CNTN4: variants seen among roughly 807,000 people sequenced by gnomAD.
CNTN4 encodes contactin 4.
Under a neutral mutation model 122.5 loss-of-function variants are expected in CNTN4, and 77 were observed. The ratio of observed to expected loss-of-function variants is 0.63; its 90% confidence interval spans 0.52 to 0.76. CNTN4 has a LOEUF of 0.76. Among genes scored for constraint, CNTN4 ranks in the 30% least tolerant of loss-of-function variants. The pLI, the probability that CNTN4 is intolerant of heterozygous loss-of-function variation, is 0.00. For synonymous variants in CNTN4, 512 were observed against 447.0 expected (o/e 1.15, Z -1.83); for missense variants, 1,256 against 1,259.1 (o/e 1.00, Z 0.04).
intron 3 of CNTN4, among the ~76,000 whole-genome samples, chr3:2,484,964 G>A (rs1363803615): frequency 6.6e-6 from 1 of 152,186 alleles, no homozygotes; most frequent in Non-Finnish European, 1.5e-5. Context: ...GCCAGCGCGA[G>A]TTCCAGGTGG....
chr3:2,486,160 G>A (rs140893034), intron 3 of CNTN4, among the ~76,000 whole-genome samples: 2 of 152,188 alleles, frequency 1.3e-5, no homozygotes, highest in East Asian at 3.9e-4. Flanking sequence ...AACACTCACT[G>A]CGAAGGTCTG....
intron 3 of CNTN4, among the ~76,000 whole-genome samples, chr3:2,375,171 G>A (rs2045771149): frequency 6.6e-6 from 1 of 152,132 alleles, no homozygotes; most frequent in Non-Finnish European, 1.5e-5. Flanking sequence ...TAAATATATG[G>A]CATGTCTTTG....
chr3:2,104,483 ATTCAGGGAATCAGGTTCC>A (rs1213943063), intron 2 of CNTN4, among the ~76,000 whole-genome samples: 2 of 152,212 alleles, frequency 1.3e-5, no homozygotes, highest in Non-Finnish European at 2.9e-5. Flanking sequence ...CCATGGGGTC[ATTCAGGGAATCAGGTTCC>A]TTAGAGTTTT....
intron 2 of CNTN4, among the ~76,000 whole-genome samples, chr3:2,297,952 G>C (rs114333116): frequency 0.022 from 3,389 of 152,154 alleles, 124 homozygotes; most frequent in African/African-American, 0.078. Context: ...GGCTAGTGTC[G>C]AACTCCTGAG....
At chr3:2,351,908 C>G (rs1223511107) in intron 3 of CNTN4, among the ~76,000 whole-genome samples, 1 of 152,020 alleles carries the variant, frequency 6.6e-6, no homozygotes, top group Non-Finnish European at 1.5e-5. Context: ...TACTGCATAG[C>G]AAGGTGACTA....
At chr3:2,274,211 T>C (rs1442302239) in intron 2 of CNTN4, among the ~76,000 whole-genome samples, 2 of 152,022 alleles carry the variant, frequency 1.3e-5, no homozygotes, top group Non-Finnish European at 2.9e-5. Flanking sequence ...GGTGAAAACC[T>C]GTCTCTACTA....
At chr3:2,120,998 T>C (rs186140889) in intron 2 of CNTN4, among the ~76,000 whole-genome samples, 4 of 152,258 alleles carry the variant, frequency 2.6e-5, no homozygotes, top group Non-Finnish European at 5.9e-5. Flanking sequence ...CTCCTCACAC[T>C]TTGGGAGGCT....
chr3:2,733,824 G>A (rs1049195580), intron 4 of CNTN4, among the ~76,000 whole-genome samples: 3 of 151,786 alleles, frequency 2.0e-5, no homozygotes, highest in South Asian at 2.1e-4. Flanking sequence ...GTGAGCCACC[G>A]CGCCTGGCCA....
At chr3:2,682,438 CA>C (rs1323638543) in intron 4 of CNTN4, among the ~76,000 whole-genome samples, 1 of 152,094 alleles carries the variant, frequency 6.6e-6, no homozygotes, top group African/African-American at 2.4e-5. Context: ...TTCTTACCTG[CA>C]AAATTTACAA....
chr3:2,478,655 C>G (rs2075899818), intron 3 of CNTN4, among the ~76,000 whole-genome samples: 1 of 152,142 alleles, frequency 6.6e-6, no homozygotes. Context: ...CATCATTTAG[C>G]TCCCACTTAT....
At chr3:2,750,944 A>G (rs898200226) in intron 6 of CNTN4, among the ~76,000 whole-genome samples, 6 of 152,112 alleles carry the variant, frequency 3.9e-5, no homozygotes, top group African/African-American at 1.2e-4. Context: ...GATACAGAAG[A>G]CAGTTGACAT....
At chr3:2,805,884 C>A (rs1178427487) in intron 6 of CNTN4, among the ~76,000 whole-genome samples, 8 of 152,038 alleles carry the variant, frequency 5.3e-5, no homozygotes, top group Non-Finnish European at 1.0e-4. Flanking sequence ...TCTCATAACA[C>A]TTTTTGTTTT....
intron 2 of CNTN4, among the ~76,000 whole-genome samples, chr3:2,221,658 T>C (rs1271804416): frequency 1.3e-5 from 2 of 152,102 alleles, no homozygotes; most frequent in East Asian, 3.9e-4. Flanking sequence ...GATATGGGAC[T>C]TATAACTAGA....
intron 4 of CNTN4, among the ~76,000 whole-genome samples, chr3:2,659,651 C>G (rs2083779886): frequency 6.6e-6 from 1 of 151,952 alleles, no homozygotes; most frequent in African/African-American, 2.4e-5. Context: ...TATTATTTCC[C>G]TTTTCACTTA....
At position 2,385,643 on chromosome 3, in the gene CNTN4, G is replaced by C. The variant is rs954407342; in HGVS notation, c.-89+46410G>C. Among the ~76,000 whole-genome samples, 2 of 152,020 alleles carry C rather than the reference G, an allele frequency of 1.3e-5. No individual in the cohort carries two copies. Among genetic ancestry groups the C allele is most frequent in the Non-Finnish European group, 2.9e-5 (2 of 68,024 alleles). ...TAGCCCCAGTTGTTCTGCAGCTTGT[G>C]GGAGCATAACTCCAAGCTCATCTCT... On this transcript the variant is annotated intron_variant, in intron 3 of 24. Coordinates refer to ENST00000418658, the MANE Select transcript of CNTN4 (RefSeq NM_175607.3). The surrounding 1 kb of genome is among the most constrained non-coding windows in gnomAD (Gnocchi z 4.0).
At chr3:2,593,174 A>G (rs1028977942) in intron 4 of CNTN4, among the ~76,000 whole-genome samples, 2 of 152,322 alleles carry the variant, frequency 1.3e-5, no homozygotes, top group Admixed American at 6.5e-5. Flanking sequence ...GGAAACATCT[A>G]TTTATGTAAC....
In CNTN4 at chr3:2,804,091, A is replaced by ACACT. The variant is rs1553643776; in HGVS notation, c.359-15392_359-15391insTCAC. 7.4e-3 allele frequency among the ~76,000 whole-genome samples: 1,065 copies of ACACT among 144,226 alleles called. 4 individuals are homozygous for ACACT. The highest frequency in any genetic ancestry group is 0.012 in the Non-Finnish European group (751 of 64,722). The allele number at this position is 144,226 out of a possible 152,430, so 94.6% of individuals were successfully genotyped here. On this transcript the variant is annotated intron_variant, in intron 6 of 24. Coordinates refer to ENST00000418658, the MANE Select transcript of CNTN4 (RefSeq NM_175607.3). ...CACACACACACACACACACACACAC[A>ACACT]CACACACGTATGATAAAAACCATAA...
rs17011680 is a variant in CNTN4 at position 2,278,496 on chromosome 3, C to G, written c.-144-60682C>G. Reference sequence around the variant, plus strand: ...CTCTTGTGTTACAACAGAGAAACGACTAATCTCAGAATGTAACATGTTTTA... The same window carrying G: ...CTCTTGTGTTACAACAGAGAAACGAGTAATCTCAGAATGTAACATGTTTTA... On this transcript the variant is annotated intron_variant, in intron 2 of 24. Transcript: ENST00000418658. Among the ~76,000 whole-genome samples, 1,235 of 152,262 alleles carry G rather than the reference C, an allele frequency of 8.1e-3. 18 individuals are homozygous for G. Among genetic ancestry groups the G allele is most frequent in the African/African-American group, 0.028 (1,161 of 41,552 alleles).
chr3:2,716,743 C>A (rs999692665), intron 4 of CNTN4, among the ~76,000 whole-genome samples: 1 of 152,110 alleles, frequency 6.6e-6, no homozygotes, highest in African/African-American at 2.4e-5. Flanking sequence ...TCCATTACCC[C>A]CAAAAAGAAA....
Sources: gnomAD v4.1 joint callset for allele counts (sites outside exome capture counted in the v4.1 genomes callset) on GRCh38, gnomAD v4.1.1 for gene constraint, Gnocchi (gnomAD v3.1) non-coding constraint, MANE v1.5 for transcripts, NCBI Gene and HGNC (gene_info 2026-07-23, HGNC 2026-07-21) for gene names.